Variants in PDE3A observed in about 807,000 individuals in gnomAD.
PDE3A encodes the protein cGMP-inhibited 3',5'-cyclic phosphodiesterase 3A.
In PDE3A, 43 loss-of-function variants were observed where a neutral mutation model predicts 98.3. That is an observed-to-expected ratio of 0.44 (90% CI 0.34 to 0.56). The LOEUF (loss-of-function observed/expected upper bound fraction) is 0.56, where lower values mean the gene tolerates loss of function less well. PDE3A is among the 20% of genes least tolerant of loss of function. The pLI is 0.01. For synonymous variants in PDE3A, 663 were observed against 567.9 expected, an observed-to-expected ratio of 1.17 and a Z score of -2.38; for missense variants, 1,427 against 1,440.7, an observed-to-expected ratio of 0.99 and a Z score of 0.15.
At chr12:20,667,895 G>A (rs1267581699) in intron 15 of PDE3A, among the ~76,000 whole-genome samples, 1 of 152,204 alleles carries the variant, frequency 6.6e-6, no homozygotes, top group African/African-American at 2.4e-5. Flanking sequence ...CCAGCGTGGT[G>A]GATGCAGAAG....
At chr12:20,668,797 C>G (rs1945391155) in intron 15 of PDE3A, among the ~76,000 whole-genome samples, 1 of 151,718 alleles carries the variant, frequency 6.6e-6, no homozygotes, top group South Asian at 2.1e-4. Context: ...AGCACCAATC[C>G]TCCTCCAAAG....
intron 15 of PDE3A, among the ~76,000 whole-genome samples, chr12:20,669,247 A>T (rs1945404143): frequency 6.6e-6 from 1 of 152,134 alleles, no homozygotes; most frequent in Non-Finnish European, 1.5e-5. Flanking sequence ...AGTGATGGGG[A>T]GAATGGAACC....
intron 1 of PDE3A, among the ~76,000 whole-genome samples, chr12:20,483,116 C>T (rs1057186447): frequency 6.6e-6 from 1 of 152,106 alleles, no homozygotes; most frequent in African/African-American, 2.4e-5. Context: ...AGAGGCCTTA[C>T]GCGGTAGCTC....
chr12:20,422,072 C>T lies in PDE3A; in HGVS notation c.960+51828C>T, dbSNP rs964114464. Among the ~76,000 whole-genome samples, 31 of 152,266 alleles carry T rather than the reference C, an allele frequency of 2.0e-4. 1 individual carries two copies. Among genetic ancestry groups the T allele is most frequent in the Admixed American group, 1.4e-3 (22 of 15,306 alleles). ...TAAAATTTTAGGGCGGCAGGCCGGG[C>T]GCAATGGCTCACGCCTGTAATCCTA... On this transcript the variant is annotated intron_variant, in intron 1 of 15. Coordinates refer to ENST00000359062, the MANE Select transcript of PDE3A (RefSeq NM_000921.5).
chr12:20,678,846 T>C (rs1212099277), intron 15 of PDE3A, among the ~76,000 whole-genome samples: 1 of 152,134 alleles, frequency 6.6e-6, no homozygotes, highest in African/African-American at 2.4e-5. Context: ...TGTAGACTGG[T>C]TGTGAGGGCA....
chr12:20,660,577 T>A (rs1350611913), intron 15 of PDE3A, among the ~76,000 whole-genome samples: 4 of 152,190 alleles, frequency 2.6e-5, no homozygotes, highest in Admixed American at 6.5e-5. Context: ...CGGTGGGAGA[T>A]AATTGTATCA....
At chr12:20,624,839 G>A (rs1186693908) in intron 5 of PDE3A, among the ~76,000 whole-genome samples, 1 of 152,170 alleles carries the variant, frequency 6.6e-6, no homozygotes, top group Admixed American at 6.5e-5. Context: ...GGAGCTAAGT[G>A]GTTGTGACAT....
At chr12:20,378,219 A>G (rs548442929) in intron 1 of PDE3A, among the ~76,000 whole-genome samples, 1 of 151,662 alleles carries the variant, frequency 6.6e-6, no homozygotes, top group Admixed American at 6.6e-5. Flanking sequence ...TTCTGAGTTC[A>G]CTCCGGTTTG....
intron 2 of PDE3A, among the ~76,000 whole-genome samples, chr12:20,603,228 C>CCTT (rs1943634741): frequency 1.3e-5 from 2 of 152,146 alleles, no homozygotes; most frequent in Non-Finnish European, 2.9e-5. Context: ...ATCCCAACTC[C>CCTT]CTTTCCACCC....
chr12:20,551,557 G>A lies in PDE3A; in HGVS notation c.961-5103G>A, dbSNP rs527754215. ...AGACTCTGGCATGCTAACTAGTTACGCGACCCCCGAGCGGGTCTGCGCCTG... is the reference window on the plus strand; with the variant it reads ...AGACTCTGGCATGCTAACTAGTTACACGACCCCCGAGCGGGTCTGCGCCTG... On this transcript the variant is annotated intron_variant, in intron 1 of 15. Coordinates refer to ENST00000359062, the MANE Select transcript of PDE3A (RefSeq NM_000921.5). The A allele has an allele frequency of 4.4e-5, 64 of 1,446,040 alleles. No homozygotes were observed. The East Asian group carries it at 1.2e-3, about 28-fold the overall frequency. 89.6% of individuals were successfully genotyped at this position (1,446,040 alleles called of 1,614,324 possible). A position where few individuals can be genotyped will look rare whatever the true frequency, so the allele number is the denominator to read the frequency against.
chr12:20,617,195 C>G (rs993446529), intron 4 of PDE3A, among the ~76,000 whole-genome samples: 3 of 152,002 alleles, frequency 2.0e-5, no homozygotes, highest in African/African-American at 7.2e-5. Flanking sequence ...ACAGCAATAT[C>G]AGAAGTAATT....
chr12:20,532,376 A>G (rs867276103), intron 1 of PDE3A, among the ~76,000 whole-genome samples: 3 of 151,806 alleles, frequency 2.0e-5, no homozygotes, highest in Middle Eastern at 3.2e-3. Flanking sequence ...CAATTATTTT[A>G]TATTTATGTT....
chr12:20,427,370 G>A (rs1056333736), intron 1 of PDE3A, among the ~76,000 whole-genome samples: 4 of 152,192 alleles, frequency 2.6e-5, no homozygotes, highest in African/African-American at 9.7e-5. Context: ...TAAAATGGAA[G>A]TGTATTAATG....
intron 1 of PDE3A, among the ~76,000 whole-genome samples, chr12:20,414,333 T>C (rs1039321923): frequency 4.6e-5 from 7 of 152,154 alleles, no homozygotes; most frequent in African/African-American, 1.7e-4. Context: ...CAGACAACCA[T>C]AGATTTCAAA....
intron 9 of PDE3A, among the ~76,000 whole-genome samples, chr12:20,639,090 G>A (rs539865989): frequency 2.6e-5 from 4 of 152,216 alleles, no homozygotes; most frequent in Non-Finnish European, 5.9e-5. Flanking sequence ...TAGTAGAAAA[G>A]TGGTTATGAT....
chr12:20,386,252 AT>A (rs1383558077), intron 1 of PDE3A, among the ~76,000 whole-genome samples: 2 of 132,196 alleles, frequency 1.5e-5, no homozygotes, highest in African/African-American at 5.7e-5. Flanking sequence ...AAATATATTA[AT>A]TATATTAATA....
intron 7 of PDE3A, among the ~76,000 whole-genome samples, chr12:20,634,463 C>T (rs1389449798): frequency 2.0e-5 from 3 of 152,142 alleles, no homozygotes; most frequent in African/African-American, 4.8e-5. Flanking sequence ...TAGGATTGCC[C>T]ATGCTCCCAA....
intron 1 of PDE3A, among the ~76,000 whole-genome samples, chr12:20,514,731 G>A (rs1254724801): frequency 6.6e-6 from 1 of 152,206 alleles, no homozygotes; most frequent in African/African-American, 2.4e-5. Flanking sequence ...TTGAGAGACA[G>A]TGAAGCATAA....
intron 1 of PDE3A, among the ~76,000 whole-genome samples, chr12:20,490,105 A>G (rs950153990): frequency 6.6e-6 from 1 of 152,124 alleles, no homozygotes; most frequent in African/African-American, 2.4e-5. Flanking sequence ...AACATTTCAC[A>G]TTGAGAGGAG....
Sources: gnomAD v4.1 joint callset for allele counts (sites outside exome capture counted in the v4.1 genomes callset) on GRCh38, gnomAD v4.1.1 for gene constraint, MANE v1.5 for transcripts, NCBI Gene and HGNC (gene_info 2026-07-23, HGNC 2026-07-21) for gene names.